Variants in ULK4 observed in about 807,000 individuals in gnomAD.
ULK4 encodes unc-51 like kinase 4.
In ULK4, 133 loss-of-function variants were observed where a neutral mutation model predicts 160.6. That is an observed-to-expected ratio of 0.83 (90% CI 0.72 to 0.96). The LOEUF is 0.96. Ranked by LOEUF, ULK4 falls within the 40% of genes least tolerant of loss-of-function variation. The pLI is 0.00. For synonymous variants in ULK4, 534 were observed against 539.8 expected (o/e 0.99, Z 0.15); for missense variants, 1,580 against 1,499.5 (o/e 1.05, Z -0.89).
intron 32 of ULK4, among the ~76,000 whole-genome samples, chr3:41,487,329 TAAC>T (rs1159629888): frequency 1.3e-5 from 2 of 152,102 alleles, no homozygotes; most frequent in Non-Finnish European, 2.9e-5. Context: ...TTGAGGAACA[TAAC>T]AAAGTTATGT....
At chr3:41,314,881 TG>T in intron 35 of ULK4, among the ~76,000 whole-genome samples, 1 of 152,102 alleles carries the variant, frequency 6.6e-6, no homozygotes, top group East Asian at 1.9e-4. Context: ...ATTAGATAAG[TG>T]GCTTTCAAAC....
At chr3:41,488,013 T>C (rs992780490) in intron 32 of ULK4, among the ~76,000 whole-genome samples, 2 of 152,122 alleles carry the variant, frequency 1.3e-5, no homozygotes, top group Non-Finnish European at 2.9e-5. Context: ...AGTGCTCAAC[T>C]TAACAAAGAC....
At chr3:41,881,350 C>T (rs1417375964) in intron 17 of ULK4, among the ~76,000 whole-genome samples, 4 of 149,982 alleles carry the variant, frequency 2.7e-5, no homozygotes, top group Non-Finnish European at 5.9e-5. Flanking sequence ...ACCTGCTCAG[C>T]CTCCACAGAT....
In ULK4 at chr3:41,629,213, G is replaced by A. The variant is rs563163176; in HGVS notation, c.3072-13496C>T. 1.1e-3 allele frequency among the ~76,000 whole-genome samples: 170 copies of A among 152,220 alleles called. 1 individual carries two copies. In the South Asian group the frequency reaches 0.017, roughly 15 times the overall value. ...CTCGTCTTTGTTTCATGACGTTTGC[G>A]GCCTCAGCTGGGAAGACACAAAAGC... On this transcript the variant is annotated intron_variant, in intron 30 of 36. Transcript: ENST00000301831.
chr3:41,378,453 T>C (rs1421698435), intron 35 of ULK4, among the ~76,000 whole-genome samples: 1 of 151,666 alleles, frequency 6.6e-6, no homozygotes, highest in Non-Finnish European at 1.5e-5. Flanking sequence ...TATGCAGCCA[T>C]AAAAAAGGAT....
At chr3:41,489,074 G>A (rs2084652252) in intron 32 of ULK4, among the ~76,000 whole-genome samples, 1 of 151,852 alleles carries the variant, frequency 6.6e-6, no homozygotes, top group African/African-American at 2.4e-5. Context: ...CCACTTTCAT[G>A]TAAGTTTCCT....
At chr3:41,512,484 A>G (rs1455451290) in intron 32 of ULK4, among the ~76,000 whole-genome samples, 2 of 152,250 alleles carry the variant, frequency 1.3e-5, no homozygotes, top group Non-Finnish European at 2.9e-5. Flanking sequence ...TACAGCAACC[A>G]AGCTGAGAAT....
At chr3:41,306,694 T>C (rs2079946987) in intron 35 of ULK4, among the ~76,000 whole-genome samples, 1 of 151,880 alleles carries the variant, frequency 6.6e-6, no homozygotes, top group East Asian at 1.9e-4. Context: ...GGCGGTTTTG[T>C]GGAATAGAAA....
intron 35 of ULK4, among the ~76,000 whole-genome samples, chr3:41,306,023 GCAGTCGC>G (rs1484367114): frequency 1.4e-5 from 2 of 147,778 alleles, no homozygotes; most frequent in African/African-American, 2.5e-5. Context: ...CCTCCGCCTG[GCAGTCGC>G]CCCGTCTGAG....
At chr3:41,804,915 G>A (rs577955038) in intron 19 of ULK4, among the ~76,000 whole-genome samples, 116 of 152,138 alleles carry the variant, frequency 7.6e-4, no homozygotes, top group Non-Finnish European at 1.3e-3. Context: ...GTCAGGTAGC[G>A]TGATGCCTCC....
chr3:41,438,666 A>G (rs2083090181), intron 34 of ULK4, among the ~76,000 whole-genome samples: 1 of 151,992 alleles, frequency 6.6e-6, no homozygotes, highest in Admixed American at 6.5e-5. Flanking sequence ...ACAAGGACAA[A>G]AAAAAACAAA....
chr3:41,864,015 C>T lies in ULK4; in HGVS notation c.1656+19859G>A, dbSNP rs555960404. On this transcript the variant is annotated intron_variant, in intron 17 of 36. Coordinates refer to ENST00000301831, the MANE Select transcript of ULK4 (RefSeq NM_017886.4). ...CTCTGGGCCTAATTCAGCACTAAGA[C>T]TCACAAGTTGCAGTCCTTATGGCCT... Among the ~76,000 whole-genome samples, 9 of 152,204 alleles carry T rather than the reference C, an allele frequency of 5.9e-5. No homozygotes were observed. In the East Asian group the frequency reaches 1.2e-3, roughly 20 times the overall value.
intron 32 of ULK4, among the ~76,000 whole-genome samples, chr3:41,543,385 C>G (rs775085658): frequency 7.8e-6 from 1 of 128,588 alleles, no homozygotes; most frequent in Non-Finnish European, 1.7e-5. Context: ...ATTAGGAAGC[C>G]TGAAACTAAT....
intron 29 of ULK4, among the ~76,000 whole-genome samples, chr3:41,667,639 G>A (rs1262458746): frequency 2.0e-5 from 3 of 152,292 alleles, no homozygotes; most frequent in African/African-American, 7.2e-5. Context: ...AGCACTCCTA[G>A]TGCCCTGAGG....
At position 41,305,561 on chromosome 3, in the gene ULK4, GGCTC is replaced by G. The variant is rs1480555251; in HGVS notation, c.3679-55991_3679-55988del. On this transcript the variant is annotated intron_variant, in intron 35 of 36. Coordinates refer to ENST00000301831, the MANE Select transcript of ULK4 (RefSeq NM_017886.4). ...GGCTGGAGTGCAGTGGCGTGATCTC[GGCTC>G]GCTACAACGTCCACCTCCCAGCCGC... Among the ~76,000 whole-genome samples the G allele has an allele frequency of 7.2e-5, 11 of 152,236 alleles. No homozygotes were observed. The South Asian group carries it at 1.7e-3, about 23-fold the overall frequency.
At chr3:41,606,599 G>A (rs1286573274) in intron 31 of ULK4, among the ~76,000 whole-genome samples, 3 of 151,982 alleles carry the variant, frequency 2.0e-5, no homozygotes, top group South Asian at 2.1e-4. Flanking sequence ...CAGTGTATAA[G>A]AATTCCCTTT....
chr3:41,658,316 C>A (rs1052736601), intron 30 of ULK4, among the ~76,000 whole-genome samples: 2 of 152,260 alleles, frequency 1.3e-5, no homozygotes, highest in Admixed American at 6.5e-5. Flanking sequence ...CAGTGTCTAG[C>A]CCTAGAGATT....
chr3:41,444,064 A>G (rs1012885279), intron 34 of ULK4, among the ~76,000 whole-genome samples: 4 of 152,320 alleles, frequency 2.6e-5, no homozygotes, highest in East Asian at 3.9e-4. Context: ...ATAAATTTCT[A>G]TAAGTGGAAT....
intron 27 of ULK4, among the ~76,000 whole-genome samples, chr3:41,703,139 C>A (rs1430268099): frequency 2.6e-5 from 4 of 152,204 alleles, no homozygotes; most frequent in South Asian, 2.1e-4. Context: ...CAGGCGTGAT[C>A]CACCATGCCG....
Sources: gnomAD v4.1 joint callset for allele counts (sites outside exome capture counted in the v4.1 genomes callset) on GRCh38, gnomAD v4.1.1 for gene constraint, MANE v1.5 for transcripts, NCBI Gene and HGNC (gene_info 2026-07-23, HGNC 2026-07-21) for gene names.